CSNK1E: variants seen among roughly 807,000 people sequenced by gnomAD.
The protein encoded by CSNK1E is casein kinase I isoform epsilon.
In CSNK1E, 17 loss-of-function variants were observed where a neutral mutation model predicts 46.1. The ratio of observed to expected loss-of-function variants is 0.37; its 90% CI spans 0.25 to 0.55. The LOEUF is 0.55. CSNK1E is among the 20% of genes least tolerant of loss of function. The probability of loss-of-function intolerance (pLI) is 0.82; values close to 1 mark genes in which losing one functional copy is unlikely to be tolerated. For synonymous variants in CSNK1E, 241 were observed against 242.6 expected, an observed-to-expected ratio of 0.99 and a Z score of 0.06; for missense variants, 386 against 595.4, an observed-to-expected ratio of 0.65 and a Z score of 3.66.
Position 38,299,963 on chromosome 22 carries a change from T to C in CSNK1E, c.668A>G (p.Gln223Arg), listed in dbSNP as rs754296072. The change falls in exon 6 of 11, where the codon CAG (glutamine) becomes CGG (arginine). Residue 223 changes from glutamine (Q) to arginine (R), a missense_variant. Gln to Arg is a conservative substitution (Grantham distance 43). Coordinates refer to ENST00000396832, the MANE Select transcript of CSNK1E (RefSeq NM_152221.3). The part of the protein sequence containing the change: ...WQGLKAATKR[Q>R]KYERISEKKM... ...CTTCTCGCTGATCCGTTCATACTTCTGGCGCTTGGTGGCTGCTTTGAGCCC... is the reference window on the plus strand; with the variant it reads ...CTTCTCGCTGATCCGTTCATACTTCCGGCGCTTGGTGGCTGCTTTGAGCCC... 1.9e-6 allele frequency: 3 copies of C among 1,614,220 alleles called. No homozygotes were observed. The highest frequency in any genetic ancestry group is 2.5e-6 in the Non-Finnish European group (3 of 1,180,036).
Position 38,291,893 on chromosome 22 carries a change from CCTTTTT to C in CSNK1E, c.*72_*77del, listed in dbSNP as rs954424707. The stretch of plus-strand genomic sequence containing the variant: ...TGTTCTTTTGAGTGGTTTATTTTTG[CCTTTTT>C]TTTTTTTTTTTTTTTTTTAAAGAAA... On this transcript the variant is annotated 3_prime_UTR_variant, in exon 11 of 11. Transcript: ENST00000396832. The C allele has an allele frequency of 4.7e-5, 3 of 63,674 alleles. No individual in the cohort carries two copies. The highest frequency in any genetic ancestry group is 9.0e-5 in the Non-Finnish European group (3 of 33,492). 3.9% of individuals were successfully genotyped at this position (63,674 alleles called of 1,614,324 possible).
At position 38,298,746 on chromosome 22, in the gene CSNK1E, T is replaced by C. The variant is rs375541885; in HGVS notation, c.885+40A>G. ...GCCCTCTGAGTCAGGGCCTTCCCCA[T>C]CCAGTCCCCCAAGCCCGCCTTGGCC... On this transcript the variant is annotated intron_variant, in intron 7 of 10. Transcript: ENST00000396832. This position sits in a 1 kb window ranked among gnomAD's most constrained non-coding sequence, Gnocchi z 4.2. The C allele has an allele frequency of 1.7e-5, 28 of 1,611,376 alleles. No individual in the cohort carries two copies. The highest frequency in any genetic ancestry group is 1.5e-4 in the Admixed American group (9 of 59,958).
chr22:38,306,724 C>A (rs1183033338), intron 2 of CSNK1E, among the ~76,000 whole-genome samples: 1 of 62,800 alleles, frequency 1.6e-5, no homozygotes, highest in Non-Finnish European at 3.1e-5. Flanking sequence ...AGCAAGACTC[C>A]ATCTCAAAAA....
intron 7 of CSNK1E, chr22:38,296,976 GTTGGC>G (rs1287812185): frequency 3.2e-6 from 2 of 624,640 alleles, no homozygotes; most frequent in African/African-American, 3.7e-5. Context: ...GTTTCACCAT[GTTGGC>G]CAGGCTGGTC....
chr22:38,290,700 C>G lies in CSNK1E; in HGVS notation c.*1271G>C, dbSNP rs2092604126. On this transcript the variant is annotated 3_prime_UTR_variant, in exon 11 of 11. Coordinates refer to ENST00000396832, the MANE Select transcript of CSNK1E (RefSeq NM_152221.3). ...CAAAGGGCTGCCTGCATCACTTTAT[C>G]TTTTCTACTTTATTACTTCAAATTA... The G allele has an allele frequency of 6.6e-6, 1 of 152,552 alleles. No individual in the cohort carries two copies. Among genetic ancestry groups the G allele is most frequent in the Admixed American group, 6.5e-5 (1 of 15,280 alleles). The allele number at this position is 152,552 out of a possible 1,614,324, so 9.4% of individuals were successfully genotyped here.
At chr22:38,295,476 TGG>T in intron 7 of CSNK1E, 1 of 785,116 alleles carries the variant, frequency 1.3e-6, no homozygotes, top group Non-Finnish European at 1.5e-6. Flanking sequence ...TGGGCTGAGT[TGG>T]GGGCCTGCTC....
At chr22:38,306,854 G>A (rs1449380515) in intron 2 of CSNK1E, among the ~76,000 whole-genome samples, 3 of 152,224 alleles carry the variant, frequency 2.0e-5, no homozygotes. Flanking sequence ...AATACGTGGG[G>A]GGAGAAAATA....
chr22:38,311,174 C>A lies in CSNK1E; in HGVS notation c.76+2908G>T, dbSNP rs536327234. ...CAGCACTACTGCTGGGCCCAGCACACGTGGGTATTTTACACGCCACGACCT... is the reference window on the plus strand; with the variant it reads ...CAGCACTACTGCTGGGCCCAGCACAAGTGGGTATTTTACACGCCACGACCT... On this transcript the variant is annotated intron_variant, in intron 2 of 10. Coordinates refer to ENST00000396832, the MANE Select transcript of CSNK1E (RefSeq NM_152221.3). Among the ~76,000 whole-genome samples the A allele has an allele frequency of 6.4e-3, 972 of 152,268 alleles. 13 individuals are homozygous for A. Among genetic ancestry groups the A allele is most frequent in the African/African-American group, 0.022 (913 of 41,548 alleles).
chr22:38,295,973 C>A (rs1039293734), intron 7 of CSNK1E, among the ~76,000 whole-genome samples: 1 of 152,256 alleles, frequency 6.6e-6, no homozygotes, highest in Non-Finnish European at 1.5e-5. Context: ...CTTCTGCGGG[C>A]AGAGTCACAT....
chr22:38,298,639 TG>T lies in CSNK1E; in HGVS notation c.885+146del. 1 of 904,486 alleles carries T rather than the reference TG, an allele frequency of 1.1e-6. No individual in the cohort carries two copies. Among genetic ancestry groups the T allele is most frequent in the Non-Finnish European group, 1.7e-6 (1 of 582,960 alleles). 56.0% of individuals were successfully genotyped at this position (904,486 alleles called of 1,614,324 possible). A position where few individuals can be genotyped will look rare whatever the true frequency, so the allele number is the denominator to read the frequency against. On this transcript the variant is annotated intron_variant, in intron 7 of 10. Transcript: ENST00000396832. This position sits in a 1 kb window ranked among gnomAD's most constrained non-coding sequence, Gnocchi z 4.2. The stretch of plus-strand genomic sequence containing the variant: ...CAGCACGGATGAGGCTGGAGGGCTC[TG>T]GGACCCCAGTGAGGTCAACCACACT...
intron 9 of CSNK1E, 117 bp from the exon 10 acceptor site, chr22:38,293,436 T>C: frequency 3.0e-6 from 2 of 670,616 alleles, no homozygotes; most frequent in Non-Finnish European, 5.2e-6. Context: ...ACTGAGGAGG[T>C]GTACCCCCAC....
intron 2 of CSNK1E, among the ~76,000 whole-genome samples, chr22:38,308,830 G>C (rs1295651885): frequency 6.6e-6 from 1 of 152,140 alleles, no homozygotes; most frequent in African/African-American, 2.4e-5. Flanking sequence ...CACAAGCAGA[G>C]GCCCAACAGC....
chr22:38,311,269 C>T (rs900354044), intron 2 of CSNK1E, among the ~76,000 whole-genome samples: 5 of 152,192 alleles, frequency 3.3e-5, no homozygotes, highest in Non-Finnish European at 5.9e-5. Context: ...CCTGCTCAAG[C>T]GCATACAGCT....
chr22:38,311,466 C>T (rs13057350), intron 2 of CSNK1E, among the ~76,000 whole-genome samples: 11,845 of 99,432 alleles, frequency 0.12, 590 homozygotes, highest in Admixed American at 0.26. Context: ...GGGCTGTCCC[C>T]GCTCCAGCCA....
At position 38,309,536 on chromosome 22, in the gene CSNK1E, C is replaced by G. The variant is rs7286332; in HGVS notation, c.76+4546G>C. Among the ~76,000 whole-genome samples, 4,314 of 152,092 alleles carry G rather than the reference C, an allele frequency of 0.028. 216 individuals are homozygous for G. Among genetic ancestry groups the G allele is most frequent in the African/African-American group, 0.099 (4,098 of 41,434 alleles). The stretch of plus-strand genomic sequence containing the variant: ...GTGGCATGATCTCGGCTCACTGCAA[C>G]TTCTGCCTCCCGGGTTCAAGCGATT... On this transcript the variant is annotated intron_variant, in intron 2 of 10. Transcript: ENST00000396832. The surrounding 1 kb of genome is among the most constrained non-coding windows in gnomAD (Gnocchi z 4.8).
intron 4 of CSNK1E, among the ~76,000 whole-genome samples, chr22:38,301,175 G>T (rs893581618): frequency 6.6e-6 from 1 of 152,240 alleles, no homozygotes; most frequent in Non-Finnish European, 1.5e-5. Flanking sequence ...GACAGAGAAA[G>T]AGAGTATTGC....
chr22:38,294,212 C>A lies in CSNK1E; in HGVS notation c.1115G>T (p.Arg372Leu). The A allele has an allele frequency of 6.2e-7, 1 of 1,612,702 alleles. No individual in the cohort carries two copies. Among genetic ancestry groups the A allele is most frequent in the Non-Finnish European group, 8.5e-7 (1 of 1,179,912 alleles). Residue 372 changes from arginine (R) to leucine (L), a missense_variant, in exon 9 of 11, where the codon CGG becomes CTG. Arg to Leu is a moderately radical substitution (Grantham distance 102). Around this residue, in one of 2 missense-constraint regions of CSNK1E, gnomAD observed 174 missense variants for 185.2 expected, o/e 0.94. Coordinates refer to ENST00000396832, the MANE Select transcript of CSNK1E (RefSeq NM_152221.3). The surrounding 1 kb of genome is among the most constrained non-coding windows in gnomAD (Gnocchi z 5.5). ...TSPRAISRVD[R>L]ERKVSMRLHR... is the part of the protein sequence containing the mutation. The stretch of plus-strand genomic sequence containing the variant: ...CAGCCTCATACTCACCTTCCTCTCC[C>A]GGTCGACCCGCGAGATCGCTCTGGG...
At chr22:38,311,859 C>T (rs935207066) in intron 2 of CSNK1E, among the ~76,000 whole-genome samples, 1 of 149,534 alleles carries the variant, frequency 6.7e-6, no homozygotes. Flanking sequence ...GGCTGGAGTG[C>T]AATGACACGA....
intron 1 of CSNK1E, among the ~76,000 whole-genome samples, chr22:38,314,988 G>A (rs187562339): frequency 3.3e-5 from 5 of 152,200 alleles, no homozygotes; most frequent in African/African-American, 7.2e-5. Context: ...CAGTGCTGCC[G>A]TGGGGACAGG....
Sources: allele counts gnomAD v4.1 joint callset (sites outside exome capture counted in the v4.1 genomes callset), GRCh38; gene constraint gnomAD v4.1.1; regional missense constraint gnomAD v4.1.1; non-coding constraint Gnocchi (gnomAD v3.1); transcripts MANE v1.5; gene names NCBI Gene and HGNC (gene_info 2026-07-23, HGNC 2026-07-21).